Variants in NECTIN3 observed in about 807,000 individuals in gnomAD.
NECTIN3 encodes nectin cell adhesion molecule 3, also known as nectin-3.
A neutral mutation model predicts 49.4 loss-of-function variants in NECTIN3; 8 were observed. The ratio of observed to expected loss-of-function variants is 0.16; its 90% confidence interval spans 0.10 to 0.29. The LOEUF is 0.29. Among genes scored for constraint, NECTIN3 ranks in the 10% least tolerant of loss-of-function variants. The probability of loss-of-function intolerance (pLI) is 1.00; values close to 1 mark genes in which losing one functional copy is unlikely to be tolerated. For synonymous variants in NECTIN3, 277 were observed against 241.1 expected (o/e 1.15, Z -1.38); for missense variants, 581 against 654.6 (o/e 0.89, Z 1.23).
intron 1 of NECTIN3, among the ~76,000 whole-genome samples, chr3:111,104,669 G>T (rs1029423552): frequency 3.9e-5 from 6 of 151,924 alleles, no homozygotes; most frequent in African/African-American, 1.2e-4. Context: ...GGAGTTTTGG[G>T]AGTTCTTTAT....
intron 3 of NECTIN3, 57 bp from the exon 4 acceptor site, chr3:111,122,064 A>G (rs750942305): frequency 2.0e-4 from 231 of 1,129,362 alleles, no homozygotes; most frequent in Non-Finnish European, 2.8e-4. Flanking sequence ...TTTATCATGT[A>G]TATTGCATTT....
upstream of NECTIN3, among the ~76,000 whole-genome samples, chr3:111,189,058 T>C (rs2035770354): frequency 6.6e-6 from 1 of 152,196 alleles, no homozygotes; most frequent in Non-Finnish European, 1.5e-5. Flanking sequence ...TTTTCCTTTT[T>C]TTTAACTTTT....
At chr3:111,188,974 C>G (rs896899530), upstream of NECTIN3, among the ~76,000 whole-genome samples, 2 of 152,138 alleles carry the variant, frequency 1.3e-5, no homozygotes, top group African/African-American at 4.8e-5. Context: ...TTGACTGTAC[C>G]CCTGCTTTCC....
chr3:111,177,975 T>C (rs1022708052), intron 7 of NECTIN3, among the ~76,000 whole-genome samples: 6 of 152,210 alleles, frequency 3.9e-5, no homozygotes, highest in Non-Finnish European at 8.8e-5. Context: ...AGTATCACTT[T>C]CTTGTGTATT....
At chr3:111,175,263 G>A (rs554857898) in intron 7 of NECTIN3, among the ~76,000 whole-genome samples, 1 of 151,786 alleles carries the variant, frequency 6.6e-6, no homozygotes, top group African/African-American at 2.4e-5. Flanking sequence ...CAGGATAGTG[G>A]GCACGGTGGG....
rs1233388864 is a variant in NECTIN3, at chr3:111,135,327, A to G, written c.*1112A>G. 1.1e-6 allele frequency: 1 copy of G among 944,842 alleles called. No individual in the cohort carries two copies. The highest frequency in any genetic ancestry group is 1.3e-6 in the Non-Finnish European group (1 of 793,526). 58.5% of individuals were successfully genotyped at this position (944,842 alleles called of 1,614,324 possible). On this transcript the variant is annotated 3_prime_UTR_variant, in exon 6 of 6. Transcript: ENST00000485303. ...TGGCATTCATCTCCTTTTTCCTCCTAAGTGTATGTATGTGTTTTAAGATTT... is the reference window on the plus strand; with the variant it reads ...TGGCATTCATCTCCTTTTTCCTCCTGAGTGTATGTATGTGTTTTAAGATTT...
intron 1 of NECTIN3, among the ~76,000 whole-genome samples, chr3:111,104,146 A>G (rs1265922455): frequency 2.0e-5 from 3 of 152,088 alleles, no homozygotes; most frequent in Non-Finnish European, 4.4e-5. Context: ...GAGAGTTCTA[A>G]TTCATCCATA....
At chr3:111,119,266 CTAAT>C (rs2033839828) in intron 3 of NECTIN3, among the ~76,000 whole-genome samples, 1 of 152,194 alleles carries the variant, frequency 6.6e-6, no homozygotes, top group Non-Finnish European at 1.5e-5. Flanking sequence ...CTTCTACATT[CTAAT>C]TAATTGAGCT....
chr3:111,076,539 A>G (rs144199021), intron 1 of NECTIN3, among the ~76,000 whole-genome samples: 3 of 152,274 alleles, frequency 2.0e-5, no homozygotes, highest in East Asian at 3.9e-4. Flanking sequence ...TTAATCTGTC[A>G]TATGTTTGAT....
chr3:111,103,841 G>A (rs911429265), intron 1 of NECTIN3, among the ~76,000 whole-genome samples: 3 of 152,206 alleles, frequency 2.0e-5, no homozygotes, highest in South Asian at 2.1e-4. Flanking sequence ...TTGCTAGTTG[G>A]ATGCCCCTTT....
chr3:111,077,200 A>G (rs765727472), intron 1 of NECTIN3: 1 of 443,062 alleles, frequency 2.3e-6, no homozygotes, highest in South Asian at 1.6e-5. Context: ...CATCCAGGAG[A>G]TTGTTTTTCT....
upstream of NECTIN3, among the ~76,000 whole-genome samples, chr3:111,190,214 T>G (rs748482099): frequency 3.9e-5 from 6 of 152,220 alleles, no homozygotes; most frequent in Non-Finnish European, 8.8e-5. Context: ...CTTTTACCAG[T>G]GTGTACTGTT....
At chr3:111,124,324 C>CA (rs1481724746) in intron 4 of NECTIN3, among the ~76,000 whole-genome samples, 4 of 152,014 alleles carry the variant, frequency 2.6e-5, no homozygotes, top group African/African-American at 9.7e-5. Context: ...TTGTGAGGTA[C>CA]AGACAATGAA....
At chr3:111,148,922 G>A (rs1286275143) in intron 7 of NECTIN3, among the ~76,000 whole-genome samples, 1 of 151,960 alleles carries the variant, frequency 6.6e-6, no homozygotes, top group Non-Finnish European at 1.5e-5. Context: ...TGTCTGAAAT[G>A]GCTTCCTTAC....
At chr3:111,192,917 C>T (rs1009312517) in intron 1 of NECTIN3, among the ~76,000 whole-genome samples, 1 of 152,094 alleles carries the variant, frequency 6.6e-6, no homozygotes, top group African/African-American at 2.4e-5. Context: ...TCCAGTTTAC[C>T]TTAACTGATA....
intron 1 of NECTIN3, among the ~76,000 whole-genome samples, chr3:111,084,510 C>T (rs1239722471): frequency 1.3e-5 from 2 of 152,086 alleles, no homozygotes; most frequent in Non-Finnish European, 2.9e-5. Flanking sequence ...TTCTGGGAAC[C>T]ACTTGTGTTT....
chr3:111,150,737 C>T (rs1487207264), intron 7 of NECTIN3, among the ~76,000 whole-genome samples: 1 of 151,338 alleles, frequency 6.6e-6, no homozygotes, highest in East Asian at 1.9e-4. Flanking sequence ...TATACTTCAA[C>T]TAAACAACAT....
chr3:111,097,313 A>AG (rs144057827), intron 1 of NECTIN3, among the ~76,000 whole-genome samples: 4,981 of 152,288 alleles, frequency 0.033, 94 homozygotes, highest in Middle Eastern at 0.058. Context: ...CATTGTATCT[A>AG]GGAAGTAACT....
intron 1 of NECTIN3, among the ~76,000 whole-genome samples, chr3:111,097,910 C>T (rs1303213742): frequency 6.6e-6 from 1 of 152,186 alleles, no homozygotes; most frequent in African/African-American, 2.4e-5. Flanking sequence ...AAAAATGAAG[C>T]TGCTCTGACA....
Sources: gnomAD v4.1 joint callset for allele counts (sites outside exome capture counted in the v4.1 genomes callset) on GRCh38, gnomAD v4.1.1 for gene constraint, MANE v1.5 for transcripts, NCBI Gene and HGNC (gene_info 2026-07-23, HGNC 2026-07-21) for gene names.